HERC1: variants seen among roughly 807,000 people sequenced by gnomAD.
HERC1 encodes HECT and RLD domain containing E3 ubiquitin protein ligase family member 1.
Under a neutral mutation model 554.3 loss-of-function variants are expected in HERC1, and 160 were observed. The observed-to-expected ratio is 0.29, with a 90% CI of 0.25 to 0.33. The LOEUF (loss-of-function observed/expected upper bound fraction) is 0.33. Among genes scored for constraint, HERC1 ranks in the 10% least tolerant of loss-of-function variants. The probability of loss-of-function intolerance (pLI) is 1.00; values close to 1 mark genes in which losing one functional copy is unlikely to be tolerated. For synonymous variants in HERC1, 2,175 were observed against 2,131.7 expected, an observed-to-expected ratio of 1.02 and a Z score of -0.56; for missense variants, 4,919 against 5,918.5, an observed-to-expected ratio of 0.83 and a Z score of 5.54.
intron 34 of HERC1, among the ~76,000 whole-genome samples, chr15:63,681,394 GT>G (rs1438192122): frequency 6.6e-6 from 1 of 152,010 alleles, no homozygotes; most frequent in Non-Finnish European, 1.5e-5. Context: ...ATGAGGTCTT[GT>G]TATGTTACAC....
intron 60 of HERC1, among the ~76,000 whole-genome samples, chr15:63,640,699 T>C (rs968268160): frequency 2.0e-5 from 3 of 152,194 alleles, no homozygotes. Flanking sequence ...CAAACTAACA[T>C]TGGTACAATA....
intron 1 of HERC1, among the ~76,000 whole-genome samples, chr15:63,813,311 GACACACACACACACACACACACACAC>G (rs10534978): frequency 7.2e-6 from 1 of 139,506 alleles, no homozygotes; most frequent in Non-Finnish European, 1.6e-5. Flanking sequence ...ATCAGAGATG[GACACACACACACACACACACACACAC>G]ACACACACAC....
At position 63,694,399 on chromosome 15, in the gene HERC1, A is replaced by C. The variant is rs1320258387; in HGVS notation, c.5393T>G (p.Leu1798Trp). ...TDTMLGQPLQLLPKTGVSQLS... is the reference protein window; with the variant it reads ...TDTMLGQPLQWLPKTGVSQLS... ...CTGGGAAACACCCGTCTTTGGCAAC[A>C]ACTGCAGGGGCTGTCCTAGCATGGT... Residue 1798 changes from leucine to tryptophan, a missense_variant, in exon 29 of 78, where the codon TTG becomes TGG. Leu to Trp is a moderately conservative substitution (Grantham distance 61, BLOSUM62 -2). This residue lies in a region of HERC1 where 1,121 missense variants were observed against 1,244.0 expected (regional missense o/e 0.90). Coordinates refer to ENST00000443617, the MANE Select transcript of HERC1 (RefSeq NM_003922.4). This position sits in a 1 kb window ranked among gnomAD's most constrained non-coding sequence, Gnocchi z 4.3. 3 of 1,613,878 alleles carry C rather than the reference A, an allele frequency of 1.9e-6. No homozygotes were observed. The highest frequency in any genetic ancestry group is 4.5e-5 in the East Asian group (2 of 44,896).
At chr15:63,751,306 T>C (rs11631176) in intron 8 of HERC1, among the ~76,000 whole-genome samples, 73,102 of 152,048 alleles carry the variant, frequency 0.48, 18,491 homozygotes, top group Non-Finnish European at 0.55. Context: ...TAACATGCAG[T>C]ACAGGTTTGT....
intron 3 of HERC1, among the ~76,000 whole-genome samples, chr15:63,761,150 TTCTGA>T (rs1320914153): frequency 6.6e-6 from 1 of 152,220 alleles, no homozygotes; most frequent in Non-Finnish European, 1.5e-5. Flanking sequence ...TGAAATCTTG[TTCTGA>T]TGAGTCTTTA....
Position 63,674,958 on chromosome 15 carries a change from G to T in HERC1, c.7230C>A (p.Ser2410Arg). Residue 2410 changes from serine (S) to arginine (R), a missense_variant, in exon 38 of 78, where the codon AGC becomes AGA. Ser to Arg is a moderately radical substitution (Grantham distance 110). Around this residue, in one of 11 missense-constraint regions of HERC1, gnomAD observed 1,963 missense variants for 2,228.6 expected, o/e 0.88. Transcript: ENST00000443617. ...GGTGTTTCTTTTCATGTCGTTTGGT[G>T]CTCTGTTTGCCCATGTCTTCATGAA... The part of the protein sequence containing the change: ...TGVHEDMGKQ[S>R]TKRHEKKHRH... The T allele has an allele frequency of 1.2e-6, 2 of 1,613,978 alleles. No individual in the cohort carries two copies. Among genetic ancestry groups the T allele is most frequent in the Non-Finnish European group, 8.5e-7 (1 of 1,179,882 alleles).
chr15:63,707,424 T>A (rs2073064315), intron 24 of HERC1, among the ~76,000 whole-genome samples: 1 of 152,216 alleles, frequency 6.6e-6, no homozygotes, highest in South Asian at 2.1e-4. Context: ...CAGTGAAGGC[T>A]TACAAGAAGA....
chr15:63,663,377 A>T (rs2414828), intron 43 of HERC1, among the ~76,000 whole-genome samples, 173 bp from the exon 44 acceptor site: 4 of 152,186 alleles, frequency 2.6e-5, no homozygotes, highest in African/African-American at 4.8e-5. Context: ...CTCTTGCAAA[A>T]GGGGATAATA....
At chr15:63,804,428 T>C (rs1010486458) in intron 1 of HERC1, among the ~76,000 whole-genome samples, 2 of 151,542 alleles carry the variant, frequency 1.3e-5, no homozygotes, top group East Asian at 1.9e-4. Context: ...CTACTAAAAA[T>C]ACAAAAAATT....
At chr15:63,611,003 C>A (rs1241267004) in intron 77 of HERC1, among the ~76,000 whole-genome samples, 1 of 152,112 alleles carries the variant, frequency 6.6e-6, no homozygotes, top group Non-Finnish European at 1.5e-5. Context: ...AGGGGCACTC[C>A]TGGAAAGCAT....
chr15:63,632,486 G>A (rs1566956156), intron 68 of HERC1: 2 of 604,480 alleles, frequency 3.3e-6, no homozygotes, highest in Non-Finnish European at 6.0e-6. Context: ...TCTAGCAAGA[G>A]TGCTGGCTCT....
chr15:63,618,534 G>A (rs1290462668), intron 74 of HERC1, among the ~76,000 whole-genome samples: 1 of 151,354 alleles, frequency 6.6e-6, no homozygotes, highest in Non-Finnish European at 1.5e-5. Context: ...TTCCAATTCT[G>A]TGAAGAAAGT....
intron 1 of HERC1, 68 bp downstream of exon 1, chr15:63,833,747 GCGCGCGCACACA>G (rs1318664194): frequency 0.01 from 1,185 of 117,790 alleles, 27 homozygotes; most frequent in African/African-American, 0.041. Flanking sequence ...GCACACACGC[GCGCGCGCACACA>G]CACACACACA....
chr15:63,751,282 G>A (rs1334931339), intron 8 of HERC1, among the ~76,000 whole-genome samples: 1 of 152,124 alleles, frequency 6.6e-6, no homozygotes, highest in Admixed American at 6.5e-5. Context: ...AATTTCTGAA[G>A]GTATTCAGTA....
In HERC1 at chr15:63,756,697, T is replaced by C; in HGVS notation, c.1273A>G (p.Arg425Gly). Residue 425 changes from arginine (R) to glycine (G), a missense_variant, in exon 5 of 78, where the codon AGA (arginine) becomes GGA (glycine). Arg to Gly is a moderately radical substitution (Grantham distance 125). Transcript: ENST00000443617. This position sits in a 1 kb window ranked among gnomAD's most constrained non-coding sequence, Gnocchi z 5.0. ...CCATAGCTGCCTTTCCCGCAAGCTC[T>C]AACAGAGCCATCCGTAGAAATGACA... ...TFVISTDGSV[R>G]ACGKGSYGRL... 1 of 1,612,838 alleles carries C rather than the reference T, an allele frequency of 6.2e-7. No individual in the cohort carries two copies. Among genetic ancestry groups the C allele is most frequent in the South Asian group, 1.1e-5 (1 of 90,938 alleles).
At chr15:63,688,823 T>C (rs1467652623) in intron 33 of HERC1, among the ~76,000 whole-genome samples, 1 of 152,038 alleles carries the variant, frequency 6.6e-6, no homozygotes, top group Non-Finnish European at 1.5e-5. Flanking sequence ...TCCCAGGAAT[T>C]TGCGTTTGGG....
intron 1 of HERC1, among the ~76,000 whole-genome samples, chr15:63,800,468 G>C (rs975919347): frequency 6.6e-6 from 1 of 152,140 alleles, no homozygotes; most frequent in Non-Finnish European, 1.5e-5. Flanking sequence ...CTTTCACCCA[G>C]TTAATGTTTA....
At chr15:63,642,248 G>T (rs1462723784) in intron 59 of HERC1, among the ~76,000 whole-genome samples, 10 of 152,176 alleles carry the variant, frequency 6.6e-5, no homozygotes, top group African/African-American at 2.4e-4. Flanking sequence ...AGTTTTACTA[G>T]AATATTAAAT....
chr15:63,723,027 A>C (rs1220927808), intron 19 of HERC1, among the ~76,000 whole-genome samples, 155 bp downstream of exon 19: 1 of 152,222 alleles, frequency 6.6e-6, no homozygotes, highest in Non-Finnish European at 1.5e-5. Flanking sequence ...TTTTCCACAA[A>C]GGGAAAAACA....
Sources: allele counts gnomAD v4.1 joint callset (sites outside exome capture counted in the v4.1 genomes callset), GRCh38; gene constraint gnomAD v4.1.1; regional missense constraint gnomAD v4.1.1; non-coding constraint Gnocchi (gnomAD v3.1); transcripts MANE v1.5; gene names NCBI Gene and HGNC (gene_info 2026-07-23, HGNC 2026-07-21).